ACOXL: variants seen among roughly 807,000 people sequenced by gnomAD.
The protein encoded by ACOXL is acyl-CoA oxidase like.
A neutral mutation model predicts 71.9 loss-of-function variants in ACOXL; 70 were observed. The observed-to-expected ratio is 0.97, with a 90% CI of 0.80 to 1.19. The LOEUF is 1.19. ACOXL is among the 50% of genes most tolerant of loss of function. The probability of loss-of-function intolerance (pLI) is 0.00; values close to 1 mark genes in which losing one functional copy is unlikely to be tolerated. For missense variants in ACOXL, 703 were observed against 736.3 expected (o/e 0.95, Z 0.52); for synonymous variants, 253 against 281.6 (o/e 0.90, Z 1.02).
At chr2:110,964,411 T>C (rs924262626) in intron 12 of ACOXL, among the ~76,000 whole-genome samples, 6 of 152,210 alleles carry the variant, frequency 3.9e-5, no homozygotes, top group African/African-American at 1.2e-4. Flanking sequence ...GTGCTATTTA[T>C]AACAGAAATT....
At chr2:110,877,862 A>G (rs998715117) in intron 10 of ACOXL, among the ~76,000 whole-genome samples, 2 of 152,240 alleles carry the variant, frequency 1.3e-5, no homozygotes, top group Non-Finnish European at 2.9e-5. Flanking sequence ...CCTGAGGGCC[A>G]TGATGCGTTG....
chr2:111,040,585 C>A (rs1329605339), intron 15 of ACOXL, among the ~76,000 whole-genome samples: 2 of 152,154 alleles, frequency 1.3e-5, no homozygotes, highest in African/African-American at 4.8e-5. Context: ...ATGAGAGCCC[C>A]CATAGACTAG....
intron 1 of ACOXL, among the ~76,000 whole-genome samples, chr2:110,737,012 G>T (rs1287821359): frequency 6.6e-6 from 1 of 152,058 alleles, no homozygotes; most frequent in Admixed American, 6.6e-5. Context: ...TGTTAGTGTG[G>T]TTTTTCCGCA....
intron 12 of ACOXL, among the ~76,000 whole-genome samples, chr2:110,958,050 A>AG: frequency 2.3e-5 from 1 of 43,040 alleles, no homozygotes; most frequent in South Asian, 1.2e-3. Context: ...ACTCCGTCTC[A>AG]AAAAAAAAAA....
intron 12 of ACOXL, among the ~76,000 whole-genome samples, chr2:110,943,101 A>G (rs1165792439): frequency 6.9e-6 from 1 of 144,772 alleles, no homozygotes; most frequent in African/African-American, 2.6e-5. Context: ...GGGAGGAAGG[A>G]AGGTAGGAAA....
intron 9 of ACOXL, among the ~76,000 whole-genome samples, chr2:110,836,401 GCCTGGC>G (rs1690471888): frequency 6.6e-6 from 1 of 151,638 alleles, no homozygotes; most frequent in African/African-American, 2.4e-5. Flanking sequence ...TTCTGTGCCT[GCCTGGC>G]CCTGTTTGAG....
At chr2:110,795,639 A>G (rs781202306) in intron 5 of ACOXL, 11 of 152,196 alleles carry the variant, frequency 7.2e-5, no homozygotes, top group Non-Finnish European at 1.2e-4. Flanking sequence ...GACTCTGGCT[A>G]TGCAGTTAAT....
At chr2:110,847,854 C>G (rs1383149061) in intron 10 of ACOXL, among the ~76,000 whole-genome samples, 2 of 152,190 alleles carry the variant, frequency 1.3e-5, no homozygotes, top group Non-Finnish European at 2.9e-5. Context: ...CAACAAAGTA[C>G]AGACCCGGGG....
chr2:110,799,131 C>T (rs1307832261), intron 7 of ACOXL, 31 bp downstream of exon 7: 2 of 1,593,630 alleles, frequency 1.3e-6, no homozygotes, highest in Non-Finnish European at 1.7e-6. Flanking sequence ...TTCCTGTGCT[C>T]ACTCTTCCTA....
intron 17 of ACOXL, among the ~76,000 whole-genome samples, chr2:111,095,473 C>A (rs1225467019): frequency 6.7e-6 from 1 of 148,950 alleles, no homozygotes; most frequent in Non-Finnish European, 1.5e-5. Flanking sequence ...CTCAGTGCCA[C>A]CTCGGCCTCC....
At chr2:110,785,917 C>T (rs1194052538) in intron 3 of ACOXL, among the ~76,000 whole-genome samples, 1 of 152,218 alleles carries the variant, frequency 6.6e-6, no homozygotes, top group Non-Finnish European at 1.5e-5. Flanking sequence ...GGACCCATAT[C>T]CTCTTCCATA....
At chr2:111,080,994 T>G (rs1439307621) in intron 16 of ACOXL, among the ~76,000 whole-genome samples, 5 of 152,140 alleles carry the variant, frequency 3.3e-5, no homozygotes. Flanking sequence ...AAACTCTCAA[T>G]AAACTAGGTA....
chr2:110,804,238 C>T (rs1423169166), intron 8 of ACOXL, among the ~76,000 whole-genome samples: 8 of 152,112 alleles, frequency 5.3e-5, no homozygotes, highest in African/African-American at 1.7e-4. Flanking sequence ...CCTCCCACCT[C>T]AGCCTCCCGA....
At chr2:110,752,112 C>T (rs570706418) in intron 1 of ACOXL, among the ~76,000 whole-genome samples, 1 of 151,898 alleles carries the variant, frequency 6.6e-6, no homozygotes, top group East Asian at 1.9e-4. Flanking sequence ...TCAGCCTCTG[C>T]CTCCTGGGTT....
At chr2:111,000,218 C>A (rs1457879140) in intron 14 of ACOXL, among the ~76,000 whole-genome samples, 1 of 152,078 alleles carries the variant, frequency 6.6e-6, no homozygotes, top group African/African-American at 2.4e-5. Context: ...GGAGGGGGAT[C>A]CTTGTTACGT....
intron 11 of ACOXL, among the ~76,000 whole-genome samples, chr2:110,910,457 T>G (rs567580870): frequency 6.6e-6 from 1 of 152,370 alleles, no homozygotes; most frequent in East Asian, 1.9e-4. Flanking sequence ...TTCATTTTTC[T>G]TAGAATAAAT....
intron 10 of ACOXL, among the ~76,000 whole-genome samples, chr2:110,874,575 A>G (rs1695661994): frequency 6.6e-6 from 1 of 152,190 alleles, no homozygotes; most frequent in Non-Finnish European, 1.5e-5. Context: ...GGACGAGATT[A>G]GCATTTCTGC....
intron 10 of ACOXL, among the ~76,000 whole-genome samples, chr2:110,891,679 T>C (rs1697942529): frequency 6.6e-6 from 1 of 152,136 alleles, no homozygotes; most frequent in Non-Finnish European, 1.5e-5. Flanking sequence ...TTAAATGTTT[T>C]AGAAATCAAT....
intron 17 of ACOXL, among the ~76,000 whole-genome samples, chr2:111,102,659 CCT>C (rs2069251573): frequency 6.6e-6 from 1 of 151,964 alleles, no homozygotes; most frequent in Admixed American, 6.6e-5. Flanking sequence ...AAAAAAAAGA[CCT>C]CTCAGGAGAT....
Sources: gnomAD v4.1 joint callset for allele counts (sites outside exome capture counted in the v4.1 genomes callset) on GRCh38, gnomAD v4.1.1 for gene constraint, MANE v1.5 for transcripts, NCBI Gene and HGNC (gene_info 2026-07-23, HGNC 2026-07-21) for gene names.